CTNNA2: variants seen among roughly 807,000 people sequenced by gnomAD.
CTNNA2 encodes catenin alpha 2, also known as catenin alpha-2.
In CTNNA2, 42 loss-of-function variants were observed where a neutral mutation model predicts 101.0. The ratio of observed to expected loss-of-function variants is 0.42; its 90% CI spans 0.32 to 0.54. The LOEUF is 0.54. Among genes scored for constraint, CTNNA2 ranks in the 20% least tolerant of loss-of-function variants. CTNNA2 has a pLI of 0.14. For missense variants in CTNNA2, 871 were observed against 1,223.1 expected (o/e 0.71, Z 4.29); for synonymous variants, 450 against 456.4 (o/e 0.99, Z 0.18).
intron 7 of CTNNA2, among the ~76,000 whole-genome samples, chr2:80,105,804 A>AC (rs755607453): frequency 6.6e-6 from 1 of 151,920 alleles, no homozygotes; most frequent in Non-Finnish European, 1.5e-5. Context: ...CATTTATGAG[A>AC]CCCCTAGTTC....
At chr2:79,854,180 T>C (rs1484245790) in intron 3 of CTNNA2, among the ~76,000 whole-genome samples, 1 of 152,226 alleles carries the variant, frequency 6.6e-6, no homozygotes, top group South Asian at 2.1e-4. Flanking sequence ...TGAGCATATG[T>C]TGTCTTGCTT....
chr2:79,302,099 CAAATAAATAAATAAATAAGT>C (rs761873775), intron 2 of CTNNA2, among the ~76,000 whole-genome samples: 26 of 151,464 alleles, frequency 1.7e-4, no homozygotes, highest in Non-Finnish European at 2.7e-4. Context: ...TCTCAATAAA[CAAATAAATAAATAAATAAGT>C]AAATAAATAA....
intron 18 of CTNNA2, among the ~76,000 whole-genome samples, chr2:80,643,554 C>T (rs1246536123): frequency 6.6e-6 from 1 of 152,076 alleles, no homozygotes; most frequent in Admixed American, 6.6e-5. Flanking sequence ...ATAAAAGGCC[C>T]TTAACCAGGA....
chr2:79,980,526 T>G (rs561532131), intron 7 of CTNNA2, among the ~76,000 whole-genome samples: 1 of 152,270 alleles, frequency 6.6e-6, no homozygotes, highest in Non-Finnish European at 1.5e-5. Context: ...TTTCTAATTG[T>G]TTTTATTGAT....
At chr2:79,953,855 T>C (rs1008782320) in intron 7 of CTNNA2, among the ~76,000 whole-genome samples, 1 of 152,208 alleles carries the variant, frequency 6.6e-6, no homozygotes, top group Non-Finnish European at 1.5e-5. Context: ...TATTCACTAA[T>C]TTTTAGGTCA....
intron 7 of CTNNA2, chr2:80,378,584 G>C (rs1002478741): frequency 2.6e-5 from 4 of 152,024 alleles, no homozygotes; most frequent in African/African-American, 9.7e-5. Flanking sequence ...AGGAGTTATT[G>C]TCAACCTACT....
At chr2:79,716,410 T>TAGCTATGTA (rs1339516912) in intron 2 of CTNNA2, among the ~76,000 whole-genome samples, 1 of 152,190 alleles carries the variant, frequency 6.6e-6, no homozygotes, top group Admixed American at 6.5e-5. Context: ...TGGCATCCAT[T>TAGCTATGTA]AGCTATGTAA....
In CTNNA2 at chr2:80,080,662, T is replaced by C. The variant is rs551866956; in HGVS notation, c.1056+170865T>C. ...GCGAGCCTGTGTACACATATTTTAT[T>C]TGGAGACCTGATTCATTGATTCATC... On this transcript the variant is annotated intron_variant, in intron 7 of 18. Coordinates refer to ENST00000402739, the MANE Select transcript of CTNNA2 (RefSeq NM_001282597.3). 1.9e-3 allele frequency among the ~76,000 whole-genome samples: 291 copies of C among 152,264 alleles called. 1 individual carries two copies. Among genetic ancestry groups the C allele is most frequent in the African/African-American group, 6.8e-3 (282 of 41,546 alleles).
At chr2:80,024,388 T>C (rs1203001706) in intron 7 of CTNNA2, among the ~76,000 whole-genome samples, 1 of 152,106 alleles carries the variant, frequency 6.6e-6, no homozygotes, top group Non-Finnish European at 1.5e-5. Flanking sequence ...TTACACTGCA[T>C]TGAGTCTTGA....
intron 8 of CTNNA2, among the ~76,000 whole-genome samples, chr2:80,398,338 C>T (rs1057016799): frequency 6.6e-6 from 1 of 152,242 alleles, no homozygotes; most frequent in South Asian, 2.1e-4. Flanking sequence ...GGATATGAGG[C>T]TATCTACATG....
At chr2:79,361,363 C>T (rs1412239724) in intron 3 of CTNNA2, among the ~76,000 whole-genome samples, 2 of 151,988 alleles carry the variant, frequency 1.3e-5, no homozygotes, top group Non-Finnish European at 2.9e-5. Context: ...TAGGAAGCTT[C>T]CCATTTGGCA....
chr2:80,183,134 C>T (rs1705886982), intron 7 of CTNNA2, among the ~76,000 whole-genome samples: 1 of 152,126 alleles, frequency 6.6e-6, no homozygotes, highest in Non-Finnish European at 1.5e-5. Flanking sequence ...CTTCCCACCG[C>T]TAAATGTCAA....
intron 9 of CTNNA2, among the ~76,000 whole-genome samples, chr2:80,521,346 A>G (rs962930855): frequency 5.9e-5 from 9 of 152,204 alleles, no homozygotes; most frequent in African/African-American, 1.7e-4. Context: ...TGCAAGTTTT[A>G]ACTCTTACAT....
intron 9 of CTNNA2, among the ~76,000 whole-genome samples, chr2:80,478,156 A>T (rs1685874594): frequency 6.6e-6 from 1 of 152,020 alleles, no homozygotes; most frequent in African/African-American, 2.4e-5. Flanking sequence ...GACATTGAGC[A>T]TTTTTTATAT....
intron 1 of CTNNA2, among the ~76,000 whole-genome samples, chr2:79,625,643 G>T (rs1466812209): frequency 2.0e-5 from 3 of 152,166 alleles, no homozygotes; most frequent in Non-Finnish European, 4.4e-5. Context: ...ACATGCTGAG[G>T]AGAGGGGCCT....
chr2:79,457,019 G>A (rs406135), intron 4 of CTNNA2, among the ~76,000 whole-genome samples: 61,181 of 151,632 alleles, frequency 0.4, 12,472 homozygotes, highest in South Asian at 0.49. Context: ...GGCTAACATG[G>A]TCAAACCCCG....
intron 7 of CTNNA2, among the ~76,000 whole-genome samples, chr2:80,321,866 T>C (rs1356154521): frequency 6.6e-6 from 1 of 152,188 alleles, no homozygotes; most frequent in Admixed American, 6.5e-5. Flanking sequence ...CGAGGCTGGC[T>C]CTGGCATGGT....
chr2:79,808,052 C>A (rs528783981), intron 3 of CTNNA2, among the ~76,000 whole-genome samples: 3 of 152,082 alleles, frequency 2.0e-5, no homozygotes, highest in Non-Finnish European at 4.4e-5. Flanking sequence ...TTACTTTTTA[C>A]GTGACATTTA....
chr2:80,258,385 C>T (rs1672335216), intron 7 of CTNNA2, among the ~76,000 whole-genome samples: 2 of 152,144 alleles, frequency 1.3e-5, no homozygotes, highest in South Asian at 4.1e-4. Flanking sequence ...ATTTGTGCAA[C>T]ACTTTTTCTG....
Sources: allele counts gnomAD v4.1 joint callset (sites outside exome capture counted in the v4.1 genomes callset), GRCh38; gene constraint gnomAD v4.1.1; transcripts MANE v1.5; gene names NCBI Gene and HGNC (gene_info 2026-07-23, HGNC 2026-07-21).